Variants in ZEB1 observed in about 807,000 individuals in gnomAD.
The protein encoded by ZEB1 is zinc finger E-box binding homeobox 1.
ZEB1 carries 21 observed loss-of-function variants against 84.9 expected under a neutral mutation model. The ratio of observed to expected loss-of-function variants is 0.25; its 90% CI spans 0.18 to 0.36. ZEB1 has a LOEUF of 0.36. Among genes scored for constraint, ZEB1 ranks in the 10% least tolerant of loss-of-function variants. The probability of loss-of-function intolerance (pLI) is 1.00; values close to 1 mark genes in which losing one functional copy is unlikely to be tolerated. For missense variants in ZEB1, 1,104 were observed against 1,330.2 expected (o/e 0.83, Z 2.65); for synonymous variants, 420 against 471.1 (o/e 0.89, Z 1.41).
At chr10:31,396,234 T>C (rs1166642371) in intron 1 of ZEB1, among the ~76,000 whole-genome samples, 2 of 152,190 alleles carry the variant, frequency 1.3e-5, no homozygotes, top group Non-Finnish European at 2.9e-5. Flanking sequence ...AAATATGTCA[T>C]GTATAATAGT....
At chr10:31,337,153 C>T (rs1418406876) in intron 1 of ZEB1, among the ~76,000 whole-genome samples, 1 of 151,916 alleles carries the variant, frequency 6.6e-6, no homozygotes, top group Non-Finnish European at 1.5e-5. Flanking sequence ...TTGGATCATC[C>T]TAGGAAAATA....
intron 1 of ZEB1, among the ~76,000 whole-genome samples, chr10:31,452,742 T>TGAGAGAGAGAGA (rs35403055): frequency 1.7e-4 from 15 of 90,806 alleles, no homozygotes; most frequent in African/African-American, 5.6e-4. Context: ...TGTGTGTGTG[T>TGAGAGAGAGAGA]GAGAGAGAGA....
intron 1 of ZEB1, among the ~76,000 whole-genome samples, chr10:31,388,959 T>C (rs1306622991): frequency 6.6e-6 from 1 of 152,102 alleles, no homozygotes; most frequent in East Asian, 1.9e-4. Flanking sequence ...ATCTAAGAAG[T>C]CTCCCTAAAC....
At chr10:31,370,323 T>C (rs576181427) in intron 1 of ZEB1, among the ~76,000 whole-genome samples, 2 of 152,184 alleles carry the variant, frequency 1.3e-5, no homozygotes, top group Admixed American at 1.3e-4. Flanking sequence ...GAAAAATAGA[T>C]GTGATGGCCG....
chr10:31,512,238 C>G (rs1300601257), intron 5 of ZEB1, among the ~76,000 whole-genome samples: 1 of 152,172 alleles, frequency 6.6e-6, no homozygotes, highest in Non-Finnish European at 1.5e-5. Context: ...CATATTCCCT[C>G]TACTCCAAGG....
chr10:31,393,531 T>G (rs951843007), intron 1 of ZEB1, among the ~76,000 whole-genome samples: 9 of 146,056 alleles, frequency 6.2e-5, no homozygotes, highest in Non-Finnish European at 1.2e-4. Flanking sequence ...TTCAAAAAAG[T>G]TGAGGTAGAT....
chr10:31,502,405 T>C lies in ZEB1; in HGVS notation c.380T>C (p.Val127Ala). 1 of 1,613,916 alleles carries C rather than the reference T, an allele frequency of 6.2e-7. No homozygotes were observed. The highest frequency in any genetic ancestry group is 8.5e-7 in the Non-Finnish European group (1 of 1,179,846). ...AENEQNHDPN[V>A]EEFLQQQDTA... ...AATGAGCAAAACCATGATCCTAATGTTGAAGAGTTTCTACAACAACAAGAC... is the reference window on the plus strand; with the variant it reads ...AATGAGCAAAACCATGATCCTAATGCTGAAGAGTTTCTACAACAACAAGAC... The change falls in exon 4 of 9, where the codon GTT becomes GCT. Residue 127 changes from valine (V) to alanine (A), a missense_variant. Physicochemically the swap from Val to Ala is moderately conservative, Grantham distance 64. Around this residue, in one of 7 missense-constraint regions of ZEB1, gnomAD observed 162 missense variants for 184.5 expected, o/e 0.88. Coordinates refer to ENST00000424869, the MANE Select transcript of ZEB1 (RefSeq NM_001174096.2).
At chr10:31,508,898 G>A (rs1363240612) in intron 4 of ZEB1, among the ~76,000 whole-genome samples, 3 of 152,176 alleles carry the variant, frequency 2.0e-5, no homozygotes, top group African/African-American at 4.8e-5. Flanking sequence ...CAGCTCAGCT[G>A]CTGAGGAAAT....
At chr10:31,363,727 G>T in intron 1 of ZEB1, 1 of 1,186,974 alleles carries the variant, frequency 8.4e-7, no homozygotes, top group Non-Finnish European at 1.2e-6. Context: ...GTTGTGAGGA[G>T]ACAGCACGGG....
intron 1 of ZEB1, among the ~76,000 whole-genome samples, chr10:31,346,208 A>C (rs534170249): frequency 1.3e-5 from 2 of 152,152 alleles, no homozygotes; most frequent in African/African-American, 4.8e-5. Flanking sequence ...GAAAAATTCT[A>C]TGTCTTGTGT....
At chr10:31,494,088 A>G (rs945085625) in intron 2 of ZEB1, among the ~76,000 whole-genome samples, 1 of 152,030 alleles carries the variant, frequency 6.6e-6, no homozygotes, top group Non-Finnish European at 1.5e-5. Flanking sequence ...TAAGGAACAT[A>G]GGTTTACAAT....
chr10:31,339,593 C>T (rs1009013466), intron 1 of ZEB1, among the ~76,000 whole-genome samples: 1 of 151,852 alleles, frequency 6.6e-6, no homozygotes, highest in African/African-American at 2.4e-5. Flanking sequence ...TGTGGTGAAA[C>T]CCCTTCTCTA....
At chr10:31,456,932 CA>C (rs2061307852) in intron 1 of ZEB1, among the ~76,000 whole-genome samples, 2 of 152,142 alleles carry the variant, frequency 1.3e-5, no homozygotes, top group African/African-American at 4.8e-5. Context: ...CAAATAATAC[CA>C]ACAACTACCA....
chr10:31,406,790 G>C (rs2053152824), intron 1 of ZEB1, among the ~76,000 whole-genome samples: 1 of 152,068 alleles, frequency 6.6e-6, no homozygotes, highest in Admixed American at 6.5e-5. Flanking sequence ...GAATGGTATT[G>C]CCTAGTTTTT....
At chr10:31,440,730 G>A (rs2058839664) in intron 1 of ZEB1, among the ~76,000 whole-genome samples, 1 of 151,538 alleles carries the variant, frequency 6.6e-6, no homozygotes, top group Non-Finnish European at 1.5e-5. Flanking sequence ...AAAATCTATG[G>A]GCAAAATCAC....
chr10:31,333,133 G>T (rs2037162151), intron 1 of ZEB1, among the ~76,000 whole-genome samples: 1 of 152,128 alleles, frequency 6.6e-6, no homozygotes, highest in Non-Finnish European at 1.5e-5. Flanking sequence ...CAGTAAGGCA[G>T]ATCTTCACAG....
chr10:31,489,421 A>G lies in ZEB1; in HGVS notation c.260-6355A>G, dbSNP rs1011804818. On this transcript the variant is annotated intron_variant, in intron 2 of 8. Transcript: ENST00000424869. Reference sequence around the variant, plus strand: ...GGATTTTTTTTATTATTTTTGGTCTATTCTGATCATCTCTGCCCTTAATTG... The same window carrying G: ...GGATTTTTTTTATTATTTTTGGTCTGTTCTGATCATCTCTGCCCTTAATTG... 3.3e-5 allele frequency among the ~76,000 whole-genome samples: 5 copies of G among 151,230 alleles called. No individual in the cohort carries two copies. In the East Asian group the frequency reaches 9.7e-4, roughly 29 times the overall value.
intron 1 of ZEB1, among the ~76,000 whole-genome samples, chr10:31,380,499 C>G (rs955283257): frequency 6.6e-6 from 1 of 152,056 alleles, no homozygotes; most frequent in African/African-American, 2.4e-5. Context: ...CCAACCCAAT[C>G]TCTCTATTGA....
chr10:31,421,517 G>A (rs2056159155), intron 1 of ZEB1, among the ~76,000 whole-genome samples: 1 of 152,066 alleles, frequency 6.6e-6, no homozygotes, highest in African/African-American at 2.4e-5. Context: ...GGATAGCTTG[G>A]TGGAATTTGC....
Sources: gnomAD v4.1 joint callset for allele counts (sites outside exome capture counted in the v4.1 genomes callset) on GRCh38, gnomAD v4.1.1 for gene constraint, gnomAD v4.1.1 regional missense constraint, MANE v1.5 for transcripts, NCBI Gene and HGNC (gene_info 2026-07-23, HGNC 2026-07-21) for gene names.